NPLOC4: variants seen among roughly 807,000 people sequenced by gnomAD.
NPLOC4 encodes the protein NPL4 homolog, ubiquitin recognition factor.
NPLOC4 carries 18 observed loss-of-function variants against 80.6 expected under a neutral mutation model. That is an observed-to-expected ratio of 0.22 (90% CI 0.15 to 0.33). The LOEUF (loss-of-function observed/expected upper bound fraction) is 0.33, where lower values mean the gene tolerates loss of function less well. NPLOC4 is among the 10% of genes least tolerant of loss of function. The pLI, the probability that NPLOC4 is intolerant of heterozygous loss-of-function variation, is 1.00. For synonymous variants in NPLOC4, 313 were observed against 301.5 expected, an observed-to-expected ratio of 1.04 and a Z score of -0.39; for missense variants, 540 against 786.1, an observed-to-expected ratio of 0.69 and a Z score of 3.74.
At chr17:81,624,341 C>A (rs142664023) in intron 2 of NPLOC4, among the ~76,000 whole-genome samples, 5,299 of 152,258 alleles carry the variant, frequency 0.035, 145 homozygotes, top group Non-Finnish European at 0.056. Context: ...TTGCTTGAAA[C>A]CAGAAGGCAG....
chr17:81,559,291 G>A lies in NPLOC4; in HGVS notation c.1795C>T (p.His599Tyr), dbSNP rs920344694. ...CTFMNQPGTGHCEMCSLPRT is the reference protein window; with the variant it reads ...CTFMNQPGTGYCEMCSLPRT The stretch of plus-strand genomic sequence containing the variant: ...CTGGGGAGGCTGCACATCTCGCAGT[G>A]GCCTGTGCCTGGCTGGTTCATGAAC... Residue 599 changes from histidine to tyrosine, a missense_variant, in exon 17 of 17, where the codon CAC becomes TAC. His to Tyr is a moderately conservative substitution (Grantham distance 83, BLOSUM62 2). This residue lies in a region of NPLOC4 where 87 missense variants were observed against 70.3 expected (regional missense o/e 1.24). Coordinates refer to ENST00000331134, the MANE Select transcript of NPLOC4 (RefSeq NM_017921.4). 1.2e-6 allele frequency: 2 copies of A among 1,605,748 alleles called. No homozygotes were observed. Among genetic ancestry groups the A allele is most frequent in the African/African-American group, 1.3e-5 (1 of 74,940 alleles).
chr17:81,568,965 A>AT, intron 14 of NPLOC4, 51 bp downstream of exon 14: 1 of 1,136,670 alleles, frequency 8.8e-7, no homozygotes, highest in Non-Finnish European at 1.3e-6. Flanking sequence ...CTGACACTAG[A>AT]TAACAATCAG....
intron 16 of NPLOC4, chr17:81,565,124 C>T: frequency 1.7e-6 from 1 of 594,260 alleles, no homozygotes; most frequent in Non-Finnish European, 3.0e-6. Flanking sequence ...CAGCTTTAAG[C>T]ACTAAAGGGA....
chr17:81,582,502 A>T (rs2034470498), intron 12 of NPLOC4, among the ~76,000 whole-genome samples: 1 of 152,200 alleles, frequency 6.6e-6, no homozygotes, highest in Admixed American at 6.5e-5. Flanking sequence ...CCTGGGCTAA[A>T]GAGATCCTTC....
At chr17:81,625,037 C>G (rs577066231) in intron 2 of NPLOC4, among the ~76,000 whole-genome samples, 1 of 152,192 alleles carries the variant, frequency 6.6e-6, no homozygotes, top group Non-Finnish European at 1.5e-5. Context: ...CAATTAGAGA[C>G]AAGAGAGATG....
intron 11 of NPLOC4, among the ~76,000 whole-genome samples, chr17:81,594,274 C>CAA (rs869281063): frequency 0.01 from 537 of 53,656 alleles, 97 homozygotes; most frequent in Non-Finnish European, 0.013. Context: ...GACTCCGTCT[C>CAA]AAAAAAAAAA....
intron 11 of NPLOC4, among the ~76,000 whole-genome samples, chr17:81,594,858 A>G (rs1214042143): frequency 1.3e-5 from 2 of 151,940 alleles, no homozygotes; most frequent in Non-Finnish European, 2.9e-5. Flanking sequence ...TTGGGGTCGG[A>G]TCACATGAGC....
chr17:81,626,041 C>G (rs1450068163), intron 2 of NPLOC4, among the ~76,000 whole-genome samples: 2 of 151,456 alleles, frequency 1.3e-5, no homozygotes, highest in Non-Finnish European at 2.9e-5. Flanking sequence ...CCCAGCTACT[C>G]AGGAGGCTGA....
chr17:81,597,601 A>G (rs954317376), intron 9 of NPLOC4, among the ~76,000 whole-genome samples: 55 of 151,964 alleles, frequency 3.6e-4, no homozygotes, highest in East Asian at 2.0e-4. Flanking sequence ...CCTGACCAAC[A>G]TGGAGAAACC....
At chr17:81,624,620 G>A (rs2035751259) in intron 2 of NPLOC4, among the ~76,000 whole-genome samples, 1 of 151,980 alleles carries the variant, frequency 6.6e-6, no homozygotes, top group Non-Finnish European at 1.5e-5. Flanking sequence ...ACAAAAAAAA[G>A]ACAAGGTTCC....
At position 81,588,993 on chromosome 17, in the gene NPLOC4, T is replaced by G. The variant is rs1422649307; in HGVS notation, c.1232A>C (p.Tyr411Ser). 3 of 1,614,016 alleles carry G rather than the reference T, an allele frequency of 1.9e-6. No individual in the cohort carries two copies. The highest frequency in any genetic ancestry group is 2.5e-6 in the Non-Finnish European group (3 of 1,179,866). ...CTGCTCACTGCTAGACTCCTTGGCGTAGCCAAGCTCCGGGGCGTCCTTGCA... is the reference window on the plus strand; with the variant it reads ...CTGCTCACTGCTAGACTCCTTGGCGGAGCCAAGCTCCGGGGCGTCCTTGCA... ...LPCKDAPELG[Y>S]AKESSSEQYV... The change falls in exon 12 of 17, where the codon TAC becomes TCC. Residue 411 changes from tyrosine (Y) to serine (S), a missense_variant. Physicochemically the swap from Tyr to Ser is moderately radical, Grantham distance 144. Coordinates refer to ENST00000331134, the MANE Select transcript of NPLOC4 (RefSeq NM_017921.4).
At chr17:81,625,526 C>T (rs2035772583) in intron 2 of NPLOC4, among the ~76,000 whole-genome samples, 1 of 152,108 alleles carries the variant, frequency 6.6e-6, no homozygotes, top group Non-Finnish European at 1.5e-5. Context: ...AACACAAGAA[C>T]AGAAATAAAA....
intron 12 of NPLOC4, among the ~76,000 whole-genome samples, chr17:81,576,496 G>A (rs2034305981): frequency 6.6e-6 from 1 of 152,122 alleles, no homozygotes; most frequent in Non-Finnish European, 1.5e-5. Flanking sequence ...TATATATGGA[G>A]GTCCTGGAAC....
chr17:81,629,345 C>T (rs1184690327), intron 2 of NPLOC4, among the ~76,000 whole-genome samples: 1 of 152,030 alleles, frequency 6.6e-6, no homozygotes, highest in African/African-American at 2.4e-5. Flanking sequence ...GCACCTACCA[C>T]CACGCCCGAC....
intron 1 of NPLOC4, among the ~76,000 whole-genome samples, chr17:81,634,869 C>G (rs927191303): frequency 6.6e-6 from 1 of 152,060 alleles, no homozygotes; most frequent in African/African-American, 2.4e-5. Context: ...AGGCGTGAGC[C>G]ACTGCATGGC....
Position 81,587,086 on chromosome 17 carries a change from C to G in NPLOC4, c.1281+1858G>C, listed in dbSNP as rs545898167. 6.6e-5 allele frequency among the ~76,000 whole-genome samples: 10 copies of G among 152,236 alleles called. No individual in the cohort carries two copies. The South Asian group carries it at 2.1e-3, about 32-fold the overall frequency. Reference sequence around the variant, plus strand: ...CGGAAAACACATTGCAGCTGCAGACCCACATATGCTAACCCATAATTAGAA... The same window carrying G: ...CGGAAAACACATTGCAGCTGCAGACGCACATATGCTAACCCATAATTAGAA... On this transcript the variant is annotated intron_variant, in intron 12 of 16. Transcript: ENST00000331134.
intron 8 of NPLOC4, among the ~76,000 whole-genome samples, chr17:81,603,202 G>A (rs1458739954): frequency 6.6e-6 from 1 of 151,864 alleles, no homozygotes; most frequent in South Asian, 2.1e-4. Context: ...TAAATTCTAG[G>A]GGCTACCTAT....
intron 6 of NPLOC4, 43 bp downstream of exon 6, chr17:81,608,684 CA>C (rs1331430696): frequency 2.1e-6 from 3 of 1,453,500 alleles, no homozygotes; most frequent in East Asian, 2.5e-5. Context: ...GCCAGCTACA[CA>C]AAAAGGAATT....
At chr17:81,633,720 C>G (rs565990205) in intron 1 of NPLOC4, among the ~76,000 whole-genome samples, 6 of 152,288 alleles carry the variant, frequency 3.9e-5, no homozygotes, top group African/African-American at 9.6e-5. Context: ...TTTTCTCCCC[C>G]CAAGACAGAG....
Sources: gnomAD v4.1 joint callset for allele counts (sites outside exome capture counted in the v4.1 genomes callset) on GRCh38, gnomAD v4.1.1 for gene constraint, gnomAD v4.1.1 regional missense constraint, MANE v1.5 for transcripts, NCBI Gene and HGNC (gene_info 2026-07-23, HGNC 2026-07-21) for gene names.